GTF2I: variants seen among roughly 807,000 people sequenced by gnomAD.
GTF2I encodes general transcription factor IIi.
In GTF2I, 12 loss-of-function variants were observed where a neutral mutation model predicts 67.6. The observed-to-expected ratio is 0.18, with a 90% CI of 0.11 to 0.29. The LOEUF (loss-of-function observed/expected upper bound fraction) is 0.29, where lower values mean the gene tolerates loss of function less well. GTF2I is among the 10% of genes least tolerant of loss of function. GTF2I has a pLI of 1.00. For synonymous variants in GTF2I, 149 were observed against 197.0 expected, an observed-to-expected ratio of 0.76 and a Z score of 2.04; for missense variants, 271 against 580.1, an observed-to-expected ratio of 0.47 and a Z score of 5.47.
chr7:74,669,191 T>A (rs1454607063), intron 1 of GTF2I, among the ~76,000 whole-genome samples: 1 of 151,920 alleles, frequency 6.6e-6, no homozygotes, highest in Admixed American at 6.6e-5. Flanking sequence ...ATAAAGAATC[T>A]TTTAGTTTAG....
intron 12 of GTF2I, among the ~76,000 whole-genome samples, chr7:74,723,428 C>CTTTTTCTTTTTTTTT (rs1793325839): frequency 1.6e-5 from 1 of 61,090 alleles, no homozygotes; most frequent in Non-Finnish European, 2.6e-5. Flanking sequence ...CTCCCGGCCT[C>CTTTTTCTTTTTTTTT]TTTTTTTTTT....
chr7:74,666,443 A>G (rs1386509369), intron 1 of GTF2I, among the ~76,000 whole-genome samples: 2 of 152,160 alleles, frequency 1.3e-5, no homozygotes, highest in African/African-American at 4.8e-5. Context: ...TTATGTCCAT[A>G]TGAGGAAAGG....
At chr7:74,684,852 GAGGGTGTCCAATGGA>G (rs1219817822) in intron 1 of GTF2I, 1 of 152,382 alleles carries the variant, frequency 6.6e-6, no homozygotes, top group Non-Finnish European at 1.5e-5. Flanking sequence ...GTTACCAGTG[GAGGGTGTCCAATGGA>G]AGAAGCACCA....
intron 1 of GTF2I, chr7:74,687,443 G>A (rs1287107081): frequency 3.6e-6 from 1 of 277,168 alleles, no homozygotes; most frequent in Non-Finnish European, 5.5e-6. Context: ...TGCTGATCTC[G>A]AACTCCTGAC....
chr7:74,709,171 GA>G (rs1385635861), intron 8 of GTF2I, among the ~76,000 whole-genome samples: 2 of 152,188 alleles, frequency 1.3e-5, no homozygotes, highest in African/African-American at 4.8e-5. Context: ...AACAGACAAG[GA>G]AGACAATAGG....
At chr7:74,676,286 TAC>T (rs1805900085) in intron 1 of GTF2I, among the ~76,000 whole-genome samples, 4 of 152,162 alleles carry the variant, frequency 2.6e-5, no homozygotes, top group African/African-American at 9.6e-5. Context: ...GTCAGCAAAC[TAC>T]CTTAAACATG....
At chr7:74,686,061 C>T (rs1469701811) in intron 1 of GTF2I, among the ~76,000 whole-genome samples, 1 of 152,146 alleles carries the variant, frequency 6.6e-6, no homozygotes, top group East Asian at 1.9e-4. Flanking sequence ...CGCAGTCAGT[C>T]TGGGATTCGT....
intron 6 of GTF2I, among the ~76,000 whole-genome samples, 200 bp downstream of exon 6, chr7:74,700,834 G>A (rs1166584638): frequency 2.0e-5 from 3 of 152,118 alleles, no homozygotes; most frequent in African/African-American, 7.2e-5. Flanking sequence ...TTTCAGCTTC[G>A]CTGCTTGTTT....
intron 1 of GTF2I, among the ~76,000 whole-genome samples, chr7:74,665,981 A>G (rs1479598303): frequency 6.6e-6 from 1 of 152,198 alleles, no homozygotes. Context: ...CTGGGACTAC[A>G]GGCGTGCGCC....
chr7:74,685,936 CCAG>C (rs1299009271), intron 1 of GTF2I, among the ~76,000 whole-genome samples: 10 of 151,882 alleles, frequency 6.6e-5, no homozygotes, highest in Non-Finnish European at 4.4e-5. Context: ...GCCTGTAGTC[CCAG>C]CTACTCTGGA....
At chr7:74,710,615 C>A (rs1361176135) in intron 8 of GTF2I, among the ~76,000 whole-genome samples, 1 of 152,166 alleles carries the variant, frequency 6.6e-6, no homozygotes, top group Non-Finnish European at 1.5e-5. Context: ...CAGAAAAAAA[C>A]CAATGTATCT....
At chr7:74,706,561 C>A (rs782710163) in intron 8 of GTF2I, 128 bp downstream of exon 8, 2 of 660,402 alleles carry the variant, frequency 3.0e-6, no homozygotes, top group Non-Finnish European at 5.3e-6. Flanking sequence ...CTAATGTATT[C>A]CAACTGTGAC....
intron 3 of GTF2I, among the ~76,000 whole-genome samples, chr7:74,691,398 G>C (rs1386371130): frequency 6.6e-6 from 1 of 152,012 alleles, no homozygotes; most frequent in Non-Finnish European, 1.5e-5. Flanking sequence ...TAGAGACGGG[G>C]TTTCTCCATG....
chr7:74,702,991 C>T (rs1554400264), intron 6 of GTF2I, among the ~76,000 whole-genome samples: 2 of 152,076 alleles, frequency 1.3e-5, no homozygotes, highest in African/African-American at 4.8e-5. Flanking sequence ...CCTGTGTCAG[C>T]CTCCCAAAGT....
chr7:74,662,301 C>T (rs985364433), intron 1 of GTF2I, among the ~76,000 whole-genome samples: 1 of 149,758 alleles, frequency 6.7e-6, no homozygotes, highest in South Asian at 2.1e-4. Context: ...CTTACGCCCC[C>T]CCAGGGTCAA....
intron 1 of GTF2I, among the ~76,000 whole-genome samples, chr7:74,658,746 C>T (rs1245105737): frequency 6.6e-6 from 1 of 151,552 alleles, no homozygotes; most frequent in East Asian, 2.0e-4. Flanking sequence ...GGCGCGCCTG[C>T]CCCGCGGGGC....
intron 6 of GTF2I, 75 bp downstream of exon 6, chr7:74,700,709 C>T (rs1470991274): frequency 3.2e-5 from 43 of 1,325,146 alleles, no homozygotes; most frequent in Non-Finnish European, 4.2e-5. Flanking sequence ...TTAATGGTTT[C>T]TGTTTTATTG....
chr7:74,705,066 G>A (rs1790436790), intron 6 of GTF2I, 98 bp from the exon 7 acceptor site: 2 of 764,332 alleles, frequency 2.6e-6, no homozygotes, highest in East Asian at 5.1e-5. Context: ...GAGCTGCAAA[G>A]CCTAGTTCTA....
intron 12 of GTF2I, among the ~76,000 whole-genome samples, chr7:74,723,064 A>G (rs1173940177): frequency 6.6e-6 from 1 of 151,690 alleles, no homozygotes; most frequent in African/African-American, 2.4e-5. Context: ...TAAACTATTC[A>G]TATGTTCATT....
Sources: allele counts gnomAD v4.1 joint callset (sites outside exome capture counted in the v4.1 genomes callset), GRCh38; gene constraint gnomAD v4.1.1; transcripts MANE v1.5; gene names NCBI Gene and HGNC (gene_info 2026-07-23, HGNC 2026-07-21).